The following HOOK3 variants were observed in gnomAD, a reference collection of about 807,000 sequenced individuals.
HOOK3 encodes the protein hook microtubule tethering protein 3.
Under a neutral mutation model 116.3 loss-of-function variants are expected in HOOK3, and 24 were observed. The ratio of observed to expected loss-of-function variants is 0.21; its 90% CI spans 0.15 to 0.29. The LOEUF (loss-of-function observed/expected upper bound fraction) is 0.29, where lower values mean the gene tolerates loss of function less well. HOOK3 is among the 10% of genes least tolerant of loss of function. HOOK3 has a pLI of 1.00. For synonymous variants in HOOK3, 275 were observed against 283.0 expected, an observed-to-expected ratio of 0.97 and a Z score of 0.28; for missense variants, 632 against 830.2, an observed-to-expected ratio of 0.76 and a Z score of 2.93.
At position 43,027,001 on chromosome 8, in the gene HOOK3, C is replaced by T. The variant is rs2130507445; in HGVS notation, c.*8503C>T. On this transcript the variant is annotated 3_prime_UTR_variant, in exon 22 of 22. Coordinates refer to ENST00000307602, the MANE Select transcript of HOOK3 (RefSeq NM_032410.4). ...CCACCTCCCGGTTTCAAGTGATTCT[C>T]CCACCTCAGCCTCCCGAGTAGTTAG... The T allele has an allele frequency of 5.5e-6, 1 of 181,298 alleles. No individual in the cohort carries two copies. The highest frequency in any genetic ancestry group is 1.9e-4 in the South Asian group (1 of 5,132). The allele number at this position is 181,298 out of a possible 1,614,324, so 11.2% of individuals were successfully genotyped here.
chr8:42,902,211 C>T (rs1437872752), intron 1 of HOOK3, among the ~76,000 whole-genome samples: 1 of 151,846 alleles, frequency 6.6e-6, no homozygotes, highest in Non-Finnish European at 1.5e-5. Flanking sequence ...AGATCCCCAG[C>T]TTCCTACACA....
rs1297311412 is a variant in HOOK3, at chr8:43,027,068, T to G, written c.*8570T>G. 1.1e-5 allele frequency: 2 copies of G among 179,224 alleles called. No individual in the cohort carries two copies. Among genetic ancestry groups the G allele is most frequent in the African/African-American group, 2.4e-5 (1 of 42,196 alleles). The allele number at this position is 179,224 out of a possible 1,614,324, so 11.1% of individuals were successfully genotyped here. A position where few individuals can be genotyped will look rare whatever the true frequency, so the allele number is the denominator to read the frequency against. On this transcript the variant is annotated 3_prime_UTR_variant, in exon 22 of 22. Transcript: ENST00000307602. The stretch of plus-strand genomic sequence containing the variant: ...CACCACGCCCAACTAATTTTTGTAT[T>G]TTTAGTAAAGACAGGGTGTCGCCAT...
intron 21 of HOOK3, among the ~76,000 whole-genome samples, chr8:43,014,013 G>A (rs1029107163): frequency 1.3e-5 from 2 of 152,120 alleles, no homozygotes; most frequent in African/African-American, 2.4e-5. Context: ...AGTTGGCCAG[G>A]CGTGATGGCT....
At chr8:42,919,699 G>C (rs1446660574) in intron 2 of HOOK3, among the ~76,000 whole-genome samples, 2 of 152,212 alleles carry the variant, frequency 1.3e-5, no homozygotes, top group East Asian at 1.9e-4. Context: ...CCGGCACCTC[G>C]GGAGGCTGAG....
chr8:42,954,768 G>A (rs1412513452), intron 6 of HOOK3, among the ~76,000 whole-genome samples: 2 of 152,198 alleles, frequency 1.3e-5, no homozygotes, highest in East Asian at 1.9e-4. Flanking sequence ...CATAGGAGAT[G>A]CTGGAAGAGA....
At chr8:43,008,657 A>ATTTTT (rs1176623906) in intron 18 of HOOK3, among the ~76,000 whole-genome samples, 3 of 143,810 alleles carry the variant, frequency 2.1e-5, no homozygotes, top group African/African-American at 7.8e-5. Flanking sequence ...TTTTATTTTT[A>ATTTTT]TTTTTATTTT....
Position 42,957,155 on chromosome 8 carries a change from A to T in HOOK3, c.530A>T (p.Gln177Leu). Residue 177 changes from glutamine to leucine, a missense_variant and splice_region_variant, in exon 7 of 22, where the codon CAG (glutamine) becomes CTG (leucine). Physicochemically the swap from Gln to Leu is moderately radical, Grantham distance 113. Transcript: ENST00000307602. ...GATGCCTATGTTGACCTTGATCGTC[A>T]GGTATATAATTTTACATTGTTTTTA... ...GNDAYVDLDR[Q>L]LKKTTEELNE... 6.4e-7 allele frequency: 1 copy of T among 1,568,654 alleles called. No homozygotes were observed. The highest frequency in any genetic ancestry group is 1.3e-5 in the African/African-American group (1 of 74,178).
In HOOK3 at chr8:43,019,942, A is replaced by G; in HGVS notation, c.*1444A>G. 5.0e-6 allele frequency: 1 copy of G among 201,188 alleles called. No individual in the cohort carries two copies. Among genetic ancestry groups the G allele is most frequent in the Non-Finnish European group, 1.0e-5 (1 of 97,734 alleles). 12.5% of individuals were successfully genotyped at this position (201,188 alleles called of 1,614,324 possible). On this transcript the variant is annotated 3_prime_UTR_variant, in exon 22 of 22. Transcript: ENST00000307602. Reference sequence around the variant, plus strand: ...GAGGATGTTTTCTCATGTACTTGCTATTTGCAAGTTCAGGTTTCATTTGGT... The same window carrying G: ...GAGGATGTTTTCTCATGTACTTGCTGTTTGCAAGTTCAGGTTTCATTTGGT...
At chr8:42,981,386 A>G (rs1054138279) in intron 13 of HOOK3, among the ~76,000 whole-genome samples, 3 of 152,084 alleles carry the variant, frequency 2.0e-5, no homozygotes, top group Non-Finnish European at 4.4e-5. Context: ...ACTGAGTTTC[A>G]GTTATTCTGT....
chr8:42,982,235 A>G (rs763105446), intron 13 of HOOK3, among the ~76,000 whole-genome samples: 21 of 149,388 alleles, frequency 1.4e-4, no homozygotes, highest in Non-Finnish European at 2.7e-4. Flanking sequence ...AGCCTGGGCA[A>G]CAGAGTGAGA....
chr8:42,911,721 G>C (rs1301906918), intron 2 of HOOK3, among the ~76,000 whole-genome samples: 1 of 152,070 alleles, frequency 6.6e-6, no homozygotes, highest in East Asian at 1.9e-4. Flanking sequence ...TTTGATGGTT[G>C]GTATGTGGGG....
Position 42,906,222 on chromosome 8 carries a change from C to A in HOOK3, c.107C>A (p.Thr36Lys). The part of the protein sequence containing the change: ...DAPCQTVEDL[T>K]NGVVMAQVLQ... The stretch of plus-strand genomic sequence containing the variant: ...CCATGCCAGACCGTGGAAGATTTAA[C>A]GAATGGGGTTGTGATGGCCCAGGTT... The change falls in exon 2 of 22, where the codon ACG becomes AAG. Residue 36 changes from threonine (T) to lysine (K), a missense_variant. Physicochemically the swap from Thr to Lys is moderately conservative, Grantham distance 78. This residue lies in a region of HOOK3 where 141 missense variants were observed against 150.8 expected (regional missense o/e 0.93). Transcript: ENST00000307602. The A allele has an allele frequency of 1.4e-6, 2 of 1,403,448 alleles. No homozygotes were observed. The highest frequency in any genetic ancestry group is 1.9e-6 in the Non-Finnish European group (2 of 1,048,860). 86.9% of individuals were successfully genotyped at this position (1,403,448 alleles called of 1,614,324 possible). A position where few individuals can be genotyped will look rare whatever the true frequency, so the allele number is the denominator to read the frequency against.
intron 8 of HOOK3, 110 bp from the exon 9 acceptor site, chr8:42,964,201 C>A: frequency 2.8e-6 from 3 of 1,082,848 alleles, no homozygotes; most frequent in Admixed American, 2.3e-5. Flanking sequence ...TGAGACTCCG[C>A]CTCAAAAAAT....
intron 11 of HOOK3, among the ~76,000 whole-genome samples, chr8:42,971,712 G>A (rs1035918132): frequency 2.0e-5 from 3 of 151,254 alleles, no homozygotes; most frequent in African/African-American, 4.9e-5. Flanking sequence ...GCAGAGTCTG[G>A]CTCTGTGGCC....
chr8:42,945,422 G>A (rs1044192110), intron 5 of HOOK3, among the ~76,000 whole-genome samples: 15 of 152,218 alleles, frequency 9.9e-5, no homozygotes, highest in Admixed American at 3.9e-4. Flanking sequence ...CGATTCTCCT[G>A]CCTCAGCCTC....
intron 7 of HOOK3, among the ~76,000 whole-genome samples, chr8:42,958,073 C>T (rs963874967): frequency 1.3e-5 from 2 of 152,138 alleles, no homozygotes; most frequent in Admixed American, 6.6e-5. Flanking sequence ...ACCTTGTGAT[C>T]CACCAGCCTC....
chr8:42,951,725 G>C (rs1249798198), intron 6 of HOOK3, among the ~76,000 whole-genome samples: 1 of 151,996 alleles, frequency 6.6e-6, no homozygotes, highest in Non-Finnish European at 1.5e-5. Context: ...GGCGGATCAC[G>C]AGGTCAAGAG....
intron 4 of HOOK3, among the ~76,000 whole-genome samples, chr8:42,933,454 A>G (rs1807908438): frequency 6.6e-6 from 1 of 152,216 alleles, no homozygotes; most frequent in South Asian, 2.1e-4. Context: ...CCATTATTCC[A>G]TTATATTAAC....
chr8:43,003,604 C>G (rs1490479658), intron 17 of HOOK3, among the ~76,000 whole-genome samples: 1 of 152,112 alleles, frequency 6.6e-6, no homozygotes, highest in Non-Finnish European at 1.5e-5. Context: ...TTATAGCTAC[C>G]ATGTCAAATT....
Sources: gnomAD v4.1 joint callset for allele counts (sites outside exome capture counted in the v4.1 genomes callset) on GRCh38, gnomAD v4.1.1 for gene constraint, gnomAD v4.1.1 regional missense constraint, MANE v1.5 for transcripts, NCBI Gene and HGNC (gene_info 2026-07-23, HGNC 2026-07-21) for gene names.